RIC1: variants seen among roughly 807,000 people sequenced by gnomAD.
RIC1 encodes the protein RIC1 partner of RAB6A GEF complex.
Under a neutral mutation model 169.0 loss-of-function variants are expected in RIC1, and 88 were observed. That is an observed-to-expected ratio of 0.52 (90% CI 0.44 to 0.62). The LOEUF is 0.62. RIC1 is among the 20% of genes least tolerant of loss of function. The probability of loss-of-function intolerance (pLI) is 0.00; values close to 1 mark genes in which losing one functional copy is unlikely to be tolerated. For missense variants in RIC1, 1,877 were observed against 1,725.5 expected (o/e 1.09, Z -1.56); for synonymous variants, 790 against 601.5 (o/e 1.31, Z -4.59).
intron 6 of RIC1, among the ~76,000 whole-genome samples, chr9:5,726,386 T>A (rs1823987471): frequency 6.6e-6 from 1 of 152,334 alleles, no homozygotes; most frequent in East Asian, 1.9e-4. Flanking sequence ...CCCTGCTTTT[T>A]TTTGTTTTCC....
chr9:5,692,865 G>A (rs1261947353), intron 3 of RIC1, among the ~76,000 whole-genome samples: 1 of 151,956 alleles, frequency 6.6e-6, no homozygotes, highest in African/African-American at 2.4e-5. Flanking sequence ...TTTTTAATAC[G>A]TATTTAATCC....
rs1820407806 is a variant in RIC1, at chr9:5,675,793, CT to C, written c.253-14164del. Among the ~76,000 whole-genome samples the C allele has an allele frequency of 1.3e-5, 2 of 152,254 alleles. 1 individual carries two copies. The highest frequency in any genetic ancestry group is 4.1e-4 in the South Asian group (2 of 4,822). The stretch of plus-strand genomic sequence containing the variant: ...CAGTTGCTTAAACTTTCACTAAACT[CT>C]TCTTCCTTTGAAAGATGAGGAAGAG... On this transcript the variant is annotated intron_variant, in intron 2 of 25. Coordinates refer to ENST00000414202, the MANE Select transcript of RIC1 (RefSeq NM_020829.4).
rs143377381 is a variant in RIC1, at chr9:5,647,113, A to AT, written c.145-9467dup. 5.5e-3 allele frequency among the ~76,000 whole-genome samples: 843 copies of AT among 152,252 alleles called. 10 individuals carry two copies. Among genetic ancestry groups the AT allele is most frequent in the African/African-American group, 0.019 (793 of 41,540 alleles). ...GGTCTAGGTAGCCTTGTGGAAAATAATTTGACTATTTATGCAAGAGTGTAT... is the reference window on the plus strand; with the variant it reads ...GGTCTAGGTAGCCTTGTGGAAAATAATTTTGACTATTTATGCAAGAGTGTAT... On this transcript the variant is annotated intron_variant, in intron 1 of 25. Transcript: ENST00000414202.
chr9:5,694,112 TG>T (rs1821751422), intron 3 of RIC1, among the ~76,000 whole-genome samples: 1 of 152,182 alleles, frequency 6.6e-6, no homozygotes, highest in Non-Finnish European at 1.5e-5. Flanking sequence ...TAGTGCCAGC[TG>T]GAAAGGAAGA....
intron 2 of RIC1, among the ~76,000 whole-genome samples, chr9:5,659,191 G>C (rs546557061): frequency 6.6e-6 from 1 of 152,166 alleles, no homozygotes; most frequent in South Asian, 2.1e-4. Context: ...TAGTCTTGTT[G>C]AAAATCAATT....
intron 1 of RIC1, among the ~76,000 whole-genome samples, chr9:5,641,313 G>A (rs540529443): frequency 6.6e-6 from 1 of 151,890 alleles, no homozygotes; most frequent in African/African-American, 2.4e-5. Context: ...GGATGGTCTC[G>A]ATCTCCTGAC....
chr9:5,667,438 C>G (rs558899513), intron 2 of RIC1, among the ~76,000 whole-genome samples: 14 of 148,096 alleles, frequency 9.5e-5, no homozygotes, highest in Middle Eastern at 7.0e-3. Context: ...TTACTTTGCT[C>G]TTTGTTATTT....
At chr9:5,760,916 A>G (rs886563358) in intron 17 of RIC1, among the ~76,000 whole-genome samples, 1 of 151,984 alleles carries the variant, frequency 6.6e-6, no homozygotes, top group African/African-American at 2.4e-5. Context: ...ACACAATCCC[A>G]CAAGTTTTGA....
intron 2 of RIC1, among the ~76,000 whole-genome samples, chr9:5,679,893 G>C (rs942984319): frequency 2.6e-5 from 4 of 152,204 alleles, no homozygotes; most frequent in African/African-American, 4.8e-5. Flanking sequence ...TAGGAGTGGT[G>C]AGAGAGGGCA....
chr9:5,640,884 TTTTG>T (rs151206643), intron 1 of RIC1, among the ~76,000 whole-genome samples: 3,907 of 152,278 alleles, frequency 0.026, 57 homozygotes, highest in Non-Finnish European at 0.035. Flanking sequence ...AGGTAAATGC[TTTTG>T]TTTGTTTTTT....
In RIC1 at chr9:5,743,082, C is replaced by T. The variant is rs868259967; in HGVS notation, c.1046+69C>T. 4.7e-5 allele frequency: 69 copies of T among 1,456,920 alleles called. 1 individual carries two copies. In the Middle Eastern group the frequency reaches 2.5e-3, roughly 52 times the overall value. The allele number at this position is 1,456,920 out of a possible 1,614,324, so 90.2% of individuals were successfully genotyped here. ...TTCTCACAATGCATGCATACAAAAA[C>T]CTTGTGTCAGAACTTCCCTTTTTGC... is the stretch of plus-strand genomic sequence containing the variant. On this transcript the variant is annotated intron_variant, in intron 9 of 25. Coordinates refer to ENST00000414202, the MANE Select transcript of RIC1 (RefSeq NM_020829.4).
intron 12 of RIC1, among the ~76,000 whole-genome samples, chr9:5,747,904 T>C (rs1225985396): frequency 6.6e-6 from 1 of 152,176 alleles, no homozygotes; most frequent in Non-Finnish European, 1.5e-5. Flanking sequence ...GACCTTACAG[T>C]CTTAAGGGGC....
At position 5,752,452 on chromosome 9, in the gene RIC1, T is replaced by G. The variant is rs193229987; in HGVS notation, c.1453-748T>G. ...TTCATAAGTTTTTTTTTGTTTTTTT[T>G]TTTTGGAGACGGAGTTTCGCTCTTA... On this transcript the variant is annotated intron_variant, in intron 12 of 25. Coordinates refer to ENST00000414202, the MANE Select transcript of RIC1 (RefSeq NM_020829.4). Among the ~76,000 whole-genome samples, 56 of 151,994 alleles carry G rather than the reference T, an allele frequency of 3.7e-4. 2 individuals are homozygous for G. In the East Asian group the frequency reaches 8.7e-3, roughly 24 times the overall value.
At chr9:5,689,747 C>T (rs543672053) in intron 2 of RIC1, among the ~76,000 whole-genome samples, 1 of 152,198 alleles carries the variant, frequency 6.6e-6, no homozygotes, top group East Asian at 1.9e-4. Flanking sequence ...GTACTGATTT[C>T]ACTGAAAGAT....
At chr9:5,671,912 A>C (rs1324592077) in intron 2 of RIC1, among the ~76,000 whole-genome samples, 1 of 152,192 alleles carries the variant, frequency 6.6e-6, no homozygotes, top group Non-Finnish European at 1.5e-5. Context: ...AAAAAAGTGG[A>C]ATCCTGTGGT....
Position 5,720,646 on chromosome 9 carries a change from A to G in RIC1, c.616A>G (p.Ile206Val). 1.2e-6 allele frequency: 2 copies of G among 1,610,624 alleles called. No individual in the cohort carries two copies. The highest frequency in any genetic ancestry group is 2.2e-5 in the East Asian group (1 of 44,778). The change falls in exon 6 of 26, where the codon ATC becomes GTC. Residue 206 changes from isoleucine (I) to valine (V), a missense_variant. Physicochemically the swap from Ile to Val is conservative, Grantham distance 29. Transcript: ENST00000414202. ...ATTCCTGGGCTTCACAGACGTACAC[A>G]TCAGAGACATGGAATACTGTGCCAC... ...GSFLGFTDVH[I>V]RDMEYCATLD...
intron 2 of RIC1, among the ~76,000 whole-genome samples, chr9:5,678,941 T>A (rs370381092): frequency 7.9e-4 from 120 of 151,416 alleles, no homozygotes; most frequent in Non-Finnish European, 1.1e-3. Flanking sequence ...CTGAATGGTA[T>A]TGCCTAGGTT....
chr9:5,768,420 G>A (rs1189833215), intron 21 of RIC1, among the ~76,000 whole-genome samples: 1 of 152,096 alleles, frequency 6.6e-6, no homozygotes. Flanking sequence ...CCAGCTACTT[G>A]GGAGGCTGAG....
chr9:5,753,711 C>A, intron 14 of RIC1, 65 bp downstream of exon 14: 3 of 727,048 alleles, frequency 4.1e-6, no homozygotes, highest in Admixed American at 2.8e-5. Flanking sequence ...TATGAAATAG[C>A]TATAAAGTTT....
Sources: allele counts gnomAD v4.1 joint callset (sites outside exome capture counted in the v4.1 genomes callset), GRCh38; gene constraint gnomAD v4.1.1; transcripts MANE v1.5; gene names NCBI Gene and HGNC (gene_info 2026-07-23, HGNC 2026-07-21).